NRG1: variants seen among roughly 807,000 people sequenced by gnomAD.
The protein encoded by NRG1 is neuregulin 1, also known as pro-neuregulin-1, membrane-bound isoform.
A neutral mutation model predicts 63.8 loss-of-function variants in NRG1; 18 were observed. That is an observed-to-expected ratio of 0.28 (90% CI 0.19 to 0.42). The LOEUF (loss-of-function observed/expected upper bound fraction) is 0.42. Among genes scored for constraint, NRG1 ranks in the 10% least tolerant of loss-of-function variants. NRG1 has a pLI of 1.00. For missense variants in NRG1, 762 were observed against 814.7 expected (o/e 0.94, Z 0.79); for synonymous variants, 302 against 301.3 (o/e 1.00, Z -0.02).
chr8:32,102,214 T>C (rs1349861595), intron 1 of NRG1, among the ~76,000 whole-genome samples: 1 of 152,148 alleles, frequency 6.6e-6, no homozygotes, highest in Non-Finnish European at 1.5e-5. Flanking sequence ...TTCGACTCAT[T>C]GTAGCCTCGA....
intron 1 of NRG1, among the ~76,000 whole-genome samples, chr8:32,520,670 T>G (rs574174164): frequency 1.3e-5 from 2 of 152,374 alleles, no homozygotes; most frequent in South Asian, 4.1e-4. Context: ...TGTGTGAGAA[T>G]ACAGTAGTCC....
chr8:31,818,595 G>A (rs1823682721), intron 1 of NRG1, among the ~76,000 whole-genome samples: 1 of 152,058 alleles, frequency 6.6e-6, no homozygotes, highest in African/African-American at 2.4e-5. Context: ...AATAGGGTTC[G>A]TGCTCCTATG....
At chr8:32,578,573 AT>A (rs34387839) in intron 1 of NRG1, among the ~76,000 whole-genome samples, 1 of 151,020 alleles carries the variant, frequency 6.6e-6, no homozygotes, top group African/African-American at 2.4e-5. Flanking sequence ...TTGCTGATAG[AT>A]TTTTTTTTCA....
chr8:32,301,222 C>A (rs1212759459), intron 1 of NRG1, among the ~76,000 whole-genome samples: 1 of 152,112 alleles, frequency 6.6e-6, no homozygotes. Flanking sequence ...AAAAATAGAG[C>A]AGTTTCAAAA....
intron 7 of NRG1, among the ~76,000 whole-genome samples, chr8:32,745,355 A>G (rs1036209859): frequency 2.0e-5 from 3 of 152,164 alleles, no homozygotes; most frequent in African/African-American, 4.8e-5. Context: ...CTGCATTTTC[A>G]GTTGAAAAAT....
At chr8:32,163,057 A>G (rs971586767) in intron 1 of NRG1, among the ~76,000 whole-genome samples, 1 of 152,226 alleles carries the variant, frequency 6.6e-6, no homozygotes, top group African/African-American at 2.4e-5. Context: ...TTAGCTCCTT[A>G]AAAGAAAATT....
chr8:32,323,938 CA>C (rs1563315486), intron 1 of NRG1, among the ~76,000 whole-genome samples: 1 of 152,076 alleles, frequency 6.6e-6, no homozygotes, highest in South Asian at 2.1e-4. Flanking sequence ...CTGCTGATTC[CA>C]AAAATGTTTC....
intron 1 of NRG1, among the ~76,000 whole-genome samples, chr8:32,394,638 C>T (rs995824367): frequency 1.3e-5 from 2 of 152,174 alleles, no homozygotes; most frequent in African/African-American, 4.8e-5. Flanking sequence ...TCACTTATCC[C>T]TTACCTCGTG....
At chr8:32,577,368 T>C (rs1233896438) in intron 1 of NRG1, among the ~76,000 whole-genome samples, 4 of 152,236 alleles carry the variant, frequency 2.6e-5, no homozygotes, top group Admixed American at 2.0e-4. Flanking sequence ...TATACAGTTA[T>C]AGGTTTGGGA....
chr8:31,656,532 C>A (rs1270448452), intron 1 of NRG1, among the ~76,000 whole-genome samples: 1 of 152,116 alleles, frequency 6.6e-6, no homozygotes, highest in Non-Finnish European at 1.5e-5. Flanking sequence ...ACATAAGTAG[C>A]ACAAAGCTGT....
At chr8:31,856,498 C>G (rs1305376821) in intron 1 of NRG1, among the ~76,000 whole-genome samples, 1 of 152,150 alleles carries the variant, frequency 6.6e-6, no homozygotes, top group Non-Finnish European at 1.5e-5. Context: ...ATTGGTTATT[C>G]TAGTTATACA....
At chr8:32,286,005 T>C (rs1012363985) in intron 1 of NRG1, among the ~76,000 whole-genome samples, 3 of 152,218 alleles carry the variant, frequency 2.0e-5, no homozygotes, top group Non-Finnish European at 4.4e-5. Context: ...CTGTGAATCA[T>C]GGACTTTCAT....
At chr8:31,964,291 C>G (rs149245176) in intron 1 of NRG1, among the ~76,000 whole-genome samples, 2 of 152,154 alleles carry the variant, frequency 1.3e-5, no homozygotes, top group Non-Finnish European at 2.9e-5. Context: ...TAGGAAGATA[C>G]AAGCAAGTGC....
intron 6 of NRG1, among the ~76,000 whole-genome samples, chr8:32,729,133 AGATAGT>A (rs1823008328): frequency 6.6e-6 from 1 of 152,158 alleles, no homozygotes; most frequent in East Asian, 1.9e-4. Flanking sequence ...AGGCAGCGTA[AGATAGT>A]GATAGTATCA....
chr8:32,245,813 T>G (rs142375554), intron 1 of NRG1, among the ~76,000 whole-genome samples: 2,324 of 152,280 alleles, frequency 0.015, 34 homozygotes, highest in South Asian at 0.027. Flanking sequence ...ATTGAATTTT[T>G]AAAAACCACT....
At chr8:32,477,890 C>T (rs1214760546) in intron 1 of NRG1, among the ~76,000 whole-genome samples, 3 of 152,118 alleles carry the variant, frequency 2.0e-5, no homozygotes, top group East Asian at 1.9e-4. Context: ...ATCTTGGAAA[C>T]GATGTTAGTA....
rs186882899 is a variant in NRG1, at chr8:31,709,386, C to T, written c.37+69955C>T. 4.6e-5 allele frequency among the ~76,000 whole-genome samples: 7 copies of T among 152,006 alleles called. No homozygotes were observed. In the East Asian group the frequency reaches 5.8e-4, roughly 13 times the overall value. On this transcript the variant is annotated intron_variant, in intron 1 of 10. Coordinates refer to the NRG1 transcript ENST00000519301. ...TCAAGTGCTTCTGGGAATGTTTCACCGATATTCATACCTAAGATTCGTCAG... is the reference window on the plus strand; with the variant it reads ...TCAAGTGCTTCTGGGAATGTTTCACTGATATTCATACCTAAGATTCGTCAG...
At chr8:32,453,062 TG>T (rs1224192548) in intron 1 of NRG1, among the ~76,000 whole-genome samples, 1 of 152,184 alleles carries the variant, frequency 6.6e-6, no homozygotes, top group Non-Finnish European at 1.5e-5. Flanking sequence ...TATGTTAATT[TG>T]TGTATGTACT....
intron 1 of NRG1, among the ~76,000 whole-genome samples, chr8:31,848,023 A>G (rs1826851247): frequency 6.6e-6 from 1 of 152,218 alleles, no homozygotes; most frequent in Admixed American, 6.5e-5. Flanking sequence ...CTAGACACAT[A>G]AAACCTCTAG....
Sources: allele counts gnomAD v4.1 joint callset (sites outside exome capture counted in the v4.1 genomes callset), GRCh38; gene constraint gnomAD v4.1.1; transcripts MANE v1.5; gene names NCBI Gene and HGNC (gene_info 2026-07-23, HGNC 2026-07-21).